Variants in TG observed in about 807,000 individuals in gnomAD.
The protein encoded by TG is thyroglobulin.
A neutral mutation model predicts 324.7 loss-of-function variants in TG; 270 were observed. That is an observed-to-expected ratio of 0.83 (90% CI 0.75 to 0.92). TG has a LOEUF of 0.92. Among genes scored for constraint, TG ranks in the 40% least tolerant of loss-of-function variants. The probability of loss-of-function intolerance (pLI) is 0.00; values close to 1 mark genes in which losing one functional copy is unlikely to be tolerated. For synonymous variants in TG, 1,401 were observed against 1,327.0 expected, an observed-to-expected ratio of 1.06 and a Z score of -1.21; for missense variants, 3,591 against 3,456.4, an observed-to-expected ratio of 1.04 and a Z score of -0.98.
At chr8:132,923,290 G>A (rs2132477710) in intron 21 of TG, 48 bp from the exon 22 acceptor site, 1 of 1,606,466 alleles carries the variant, frequency 6.2e-7, no homozygotes, top group African/African-American at 1.3e-5. Flanking sequence ...GGAGTCAGGG[G>A]ATTCCAGAGG....
rs1419162566 is a variant in TG at position 133,075,741 on chromosome 8, C to A, written c.7240-19303C>A. ...TCTGCCATAGAAGTAATGGCAAAAACCACAATCATTGTGGCACCAACCTAA... is the reference window on the plus strand; with the variant it reads ...TCTGCCATAGAAGTAATGGCAAAAAACACAATCATTGTGGCACCAACCTAA... On this transcript the variant is annotated intron_variant, in intron 41 of 47. Transcript: ENST00000220616. Among the ~76,000 whole-genome samples the A allele has an allele frequency of 2.6e-5, 4 of 151,962 alleles. No individual in the cohort carries two copies. The East Asian group carries it at 7.7e-4, about 29-fold the overall frequency.
At chr8:133,019,802 G>A (rs1835393268) in intron 39 of TG, 107 bp downstream of exon 39, 1 of 943,520 alleles carries the variant, frequency 1.1e-6, no homozygotes, top group South Asian at 1.3e-5. Context: ...GTGGCCTGCT[G>A]AGCTGAGGTT....
intron 43 of TG, among the ~76,000 whole-genome samples, chr8:133,099,178 A>T (rs998989248): frequency 1.3e-5 from 2 of 152,382 alleles, no homozygotes; most frequent in East Asian, 3.9e-4. Flanking sequence ...CTAAGGGCAC[A>T]GCAGAGCAGC....
At chr8:132,868,298 C>T (rs1257780316) in intron 2 of TG, 75 bp downstream of exon 2, 5 of 1,359,632 alleles carry the variant, frequency 3.7e-6, no homozygotes, top group Non-Finnish European at 5.2e-6. Context: ...CCCCCCTCTT[C>T]CTGAGCTCTG....
chr8:132,960,344 A>G (rs898597813), intron 27 of TG, among the ~76,000 whole-genome samples: 1 of 152,128 alleles, frequency 6.6e-6, no homozygotes, highest in Admixed American at 6.6e-5. Context: ...AGACTCTGCT[A>G]TCTGGGCTAT....
chr8:132,991,901 AAG>A (rs1832388023), intron 35 of TG, among the ~76,000 whole-genome samples: 1 of 152,016 alleles, frequency 6.6e-6, no homozygotes, highest in South Asian at 2.1e-4. Flanking sequence ...GAGAAGGAAA[AAG>A]AAACAGCTGG....
intron 30 of TG, 81 bp downstream of exon 30, chr8:132,966,778 C>A: frequency 6.3e-7 from 1 of 1,597,828 alleles, no homozygotes; most frequent in Non-Finnish European, 8.5e-7. Flanking sequence ...ACTCCTGAGA[C>A]ACAGATAAGG....
At chr8:133,078,730 A>G (rs1171048103) in intron 41 of TG, among the ~76,000 whole-genome samples, 1 of 152,232 alleles carries the variant, frequency 6.6e-6, no homozygotes, top group Non-Finnish European at 1.5e-5. Flanking sequence ...CCAGAACAAA[A>G]CAATGTTCAT....
At chr8:133,083,188 C>T (rs1469755348) in intron 41 of TG, among the ~76,000 whole-genome samples, 1 of 152,116 alleles carries the variant, frequency 6.6e-6, no homozygotes, top group Non-Finnish European at 1.5e-5. Flanking sequence ...GTACAGATGT[C>T]AGTTATCATT....
intron 29 of TG, chr8:132,964,556 A>C (rs1232942975): frequency 1.2e-5 from 3 of 254,484 alleles, no homozygotes; most frequent in African/African-American, 2.2e-5. Flanking sequence ...TACTCCCATC[A>C]GTCTGAATGT....
At chr8:132,971,145 T>TC (rs1829460948) in intron 32 of TG, among the ~76,000 whole-genome samples, 1 of 152,100 alleles carries the variant, frequency 6.6e-6, no homozygotes, top group Middle Eastern at 3.2e-3. Context: ...AGCCATTAAG[T>TC]CCCTCCTGCC....
At chr8:133,105,788 C>CA (rs1454522073) in intron 43 of TG, among the ~76,000 whole-genome samples, 1 of 152,086 alleles carries the variant, frequency 6.6e-6, no homozygotes, top group East Asian at 1.9e-4. Context: ...CAAGAGTAGT[C>CA]AGAGACAGCA....
chr8:132,971,683 T>TA (rs889561007), intron 32 of TG, 111 bp from the exon 33 acceptor site: 39 of 767,750 alleles, frequency 5.1e-5, no homozygotes, highest in African/African-American at 4.8e-4. Flanking sequence ...AAGTAGGGGG[T>TA]AAAAAAATAA....
intron 29 of TG, 46 bp from the exon 30 acceptor site, chr8:132,966,514 A>T: frequency 6.2e-7 from 1 of 1,611,372 alleles, no homozygotes; most frequent in Non-Finnish European, 8.5e-7. Context: ...TCTCATATTC[A>T]CTAGAGTTAA....
rs143495408 is a variant in TG, at chr8:132,906,194, G to A, written c.3635-494G>A. ...AAATGAGGGAGGTGGCAGTAGGGACGAAGAGACATGGAGCAGGTGTGAATG... is the reference window on the plus strand; with the variant it reads ...AAATGAGGGAGGTGGCAGTAGGGACAAAGAGACATGGAGCAGGTGTGAATG... On this transcript the variant is annotated intron_variant, in intron 16 of 47. Coordinates refer to ENST00000220616, the MANE Select transcript of TG (RefSeq NM_003235.5). Among the ~76,000 whole-genome samples, 634 of 152,258 alleles carry A rather than the reference G, an allele frequency of 4.2e-3. 4 individuals carry two copies. Among genetic ancestry groups the A allele is most frequent in the African/African-American group, 0.014 (602 of 41,548 alleles).
At chr8:132,957,263 G>T (rs925203502) in intron 27 of TG, among the ~76,000 whole-genome samples, 1 of 152,166 alleles carries the variant, frequency 6.6e-6, no homozygotes, top group African/African-American at 2.4e-5. Context: ...GCTGAATTTA[G>T]TTGAATTCCA....
intron 29 of TG, among the ~76,000 whole-genome samples, chr8:132,965,654 T>C (rs1828455349): frequency 6.6e-6 from 1 of 152,174 alleles, no homozygotes; most frequent in African/African-American, 2.4e-5. Flanking sequence ...AACCTCTTTA[T>C]AGAGTCACAG....
intron 41 of TG, among the ~76,000 whole-genome samples, chr8:133,034,148 G>A (rs572009028): frequency 8.5e-5 from 13 of 152,218 alleles, no homozygotes; most frequent in African/African-American, 2.9e-4. Flanking sequence ...AGCTTATTGA[G>A]GTTTTATTCT....
At chr8:133,134,066 G>A (rs1852163491) in intron 47 of TG, among the ~76,000 whole-genome samples, 1 of 152,220 alleles carries the variant, frequency 6.6e-6, no homozygotes, top group African/African-American at 2.4e-5. Flanking sequence ...GGGGAAAAGT[G>A]GGCATTTCTA....
Sources: allele counts gnomAD v4.1 joint callset (sites outside exome capture counted in the v4.1 genomes callset), GRCh38; gene constraint gnomAD v4.1.1; transcripts MANE v1.5; gene names NCBI Gene and HGNC (gene_info 2026-07-23, HGNC 2026-07-21).